CACNA2D4: variants seen among roughly 807,000 people sequenced by gnomAD.
CACNA2D4 encodes the protein voltage-dependent calcium channel subunit alpha-2/delta-4.
In CACNA2D4, 157 loss-of-function variants were observed where a neutral mutation model predicts 163.8. The observed-to-expected ratio is 0.96, with a 90% CI of 0.84 to 1.09. The LOEUF (loss-of-function observed/expected upper bound fraction) is 1.09. Ranked by LOEUF, CACNA2D4 falls within the 50% of genes least tolerant of loss-of-function variation. The pLI, the probability that CACNA2D4 is intolerant of heterozygous loss-of-function variation, is 0.00. For synonymous variants in CACNA2D4, 598 were observed against 586.9 expected (o/e 1.02, Z -0.27); for missense variants, 1,410 against 1,479.9 (o/e 0.95, Z 0.78).
intron 20 of CACNA2D4, among the ~76,000 whole-genome samples, chr12:1,857,309 G>T (rs1369320852): frequency 6.6e-6 from 1 of 152,222 alleles, no homozygotes; most frequent in East Asian, 1.9e-4. Context: ...GCCTGAGAGT[G>T]GGTCAAAGTG....
Position 1,886,385 on chromosome 12 carries a change from A to C in CACNA2D4, c.843-12T>G. 1 of 1,612,234 alleles carries C rather than the reference A, an allele frequency of 6.2e-7. No individual in the cohort carries two copies. The highest frequency in any genetic ancestry group is 8.5e-7 in the Non-Finnish European group (1 of 1,178,844). On this transcript the variant is annotated splice_polypyrimidine_tract_variant and intron_variant, in intron 7 of 37. Coordinates refer to ENST00000382722, the MANE Select transcript of CACNA2D4 (RefSeq NM_172364.5). ...CAGCTTGAATGTACCTGAAGGAAGA[A>C]AGGGACATGCCCAAGATGGGAAAAC...
At position 1,834,129 on chromosome 12, in the gene CACNA2D4, A is replaced by C; in HGVS notation, c.2551+6610T>G. 1 of 988,294 alleles carries C rather than the reference A, an allele frequency of 1.0e-6. No homozygotes were observed. Among genetic ancestry groups the C allele is most frequent in the Non-Finnish European group, 1.4e-6 (1 of 700,162 alleles). The allele number at this position is 988,294 out of a possible 1,614,324, so 61.2% of individuals were successfully genotyped here. Reference sequence around the variant, plus strand: ...TTCCCTCCTCCGCTTCCTCTTCTATAGATGGTGATTCCAGGATTGACTACA... The same window carrying C: ...TTCCCTCCTCCGCTTCCTCTTCTATCGATGGTGATTCCAGGATTGACTACA... On this transcript the variant is annotated intron_variant, in intron 26 of 37. Coordinates refer to ENST00000382722, the MANE Select transcript of CACNA2D4 (RefSeq NM_172364.5). This position sits in a 1 kb window ranked among gnomAD's most constrained non-coding sequence, Gnocchi z 7.6.
chr12:1,814,756 C>T (rs1863821826), intron 26 of CACNA2D4, among the ~76,000 whole-genome samples: 1 of 152,240 alleles, frequency 6.6e-6, no homozygotes, highest in Non-Finnish European at 1.5e-5. Flanking sequence ...TTAATGCAAG[C>T]ACCCCCGAAC....
At chr12:1,837,337 C>T (rs1228676450) in intron 26 of CACNA2D4, among the ~76,000 whole-genome samples, 1 of 152,180 alleles carries the variant, frequency 6.6e-6, no homozygotes, top group Admixed American at 6.5e-5. Flanking sequence ...AGGGCTTACT[C>T]AGGCGACGGC....
chr12:1,800,060 A>T lies in CACNA2D4; in HGVS notation c.2922-8T>A, dbSNP rs776744358. ...CTCCACTCCAGCAGGAACCTGTCAG[A>T]CACAGGACTGAATCTCGGAGACCTC... On this transcript the variant is annotated splice_region_variant and splice_polypyrimidine_tract_variant and intron_variant, in intron 32 of 37. Transcript: ENST00000382722. The T allele has an allele frequency of 5.6e-6, 9 of 1,596,680 alleles. No individual in the cohort carries two copies. Among genetic ancestry groups the T allele is most frequent in the Non-Finnish European group, 7.7e-6 (9 of 1,171,794 alleles).
intron 14 of CACNA2D4, 82 bp downstream of exon 14, chr12:1,879,722 G>C (rs1477716832): frequency 8.4e-7 from 1 of 1,196,112 alleles, no homozygotes; most frequent in African/African-American, 1.5e-5. Flanking sequence ...GCACAGCCAA[G>C]TCAAGAATCA....
intron 26 of CACNA2D4, among the ~76,000 whole-genome samples, chr12:1,825,919 G>A (rs1319481018): frequency 1.3e-5 from 2 of 152,194 alleles, no homozygotes; most frequent in Admixed American, 6.5e-5. Context: ...CTCTTGATAT[G>A]GACATTCTTG....
rs774789475 is a variant in CACNA2D4 at position 1,846,649 on chromosome 12, G to A, written c.2287C>T (p.Arg763Trp). The change falls in exon 24 of 38, where the codon CGG (arginine) becomes TGG (tryptophan). Residue 763 changes from arginine (R) to tryptophan (W), a missense_variant. Arg to Trp is a moderately radical substitution (Grantham distance 101). Coordinates refer to ENST00000382722, the MANE Select transcript of CACNA2D4 (RefSeq NM_172364.5). ...HVVDMAFLGT[R>W]AGLLRSSLFV... is the part of the protein sequence containing the mutation. ...AAGCTGCTTCTCAGGAGGCCAGCCC[G>A]GGTGCCCAGGAAGGCCATGTCCACC... The A allele has an allele frequency of 1.2e-5, 20 of 1,604,028 alleles. 1 individual carries two copies. The South Asian group carries it at 1.3e-4, about 11-fold the overall frequency.
rs992614667 is a variant in CACNA2D4, at chr12:1,869,322, C to T, written c.1878+5282G>A. ...CCGCACAGAATACCAGGCTCTGCCA[C>T]TCTTTGCTGTAACCTACCGTCGTGC... On this transcript the variant is annotated intron_variant, in intron 18 of 37. Coordinates refer to ENST00000382722, the MANE Select transcript of CACNA2D4 (RefSeq NM_172364.5). The surrounding 1 kb of genome is among the most constrained non-coding windows in gnomAD (Gnocchi z 4.7). Among the ~76,000 whole-genome samples, 2 of 152,236 alleles carry T rather than the reference C, an allele frequency of 1.3e-5. No individual in the cohort carries two copies. Among genetic ancestry groups the T allele is most frequent in the African/African-American group, 2.4e-5 (1 of 41,454 alleles).
In CACNA2D4 at chr12:1,829,019, C is replaced by A. The variant is rs1026456572; in HGVS notation, c.2551+11720G>T. Among the ~76,000 whole-genome samples the A allele has an allele frequency of 1.3e-5, 2 of 152,210 alleles. No individual in the cohort carries two copies. The highest frequency in any genetic ancestry group is 4.8e-5 in the African/African-American group (2 of 41,452). ...CTGATCCAGCACCCAACACGGGCAG[C>A]CTGAATTATTCACCATGTGAGAGAG... On this transcript the variant is annotated intron_variant, in intron 26 of 37. Coordinates refer to ENST00000382722, the MANE Select transcript of CACNA2D4 (RefSeq NM_172364.5). The surrounding 1 kb of genome is among the most constrained non-coding windows in gnomAD (Gnocchi z 4.2).
chr12:1,795,286 C>A lies in CACNA2D4; in HGVS notation c.3309+13G>T. The A allele has an allele frequency of 6.2e-7, 1 of 1,612,596 alleles. No individual in the cohort carries two copies. The highest frequency in any genetic ancestry group is 8.5e-7 in the Non-Finnish European group (1 of 1,179,578). ...GAAAATCCAGCCCACCCTCGATCCGCCTCAACCCGCACCTCTGGATGGAAG... is the reference window on the plus strand; with the variant it reads ...GAAAATCCAGCCCACCCTCGATCCGACTCAACCCGCACCTCTGGATGGAAG... On this transcript the variant is annotated intron_variant, in intron 37 of 37. Transcript: ENST00000382722.
At chr12:1,888,947 G>A (rs1340814112) in intron 6 of CACNA2D4, among the ~76,000 whole-genome samples, 2 of 152,086 alleles carry the variant, frequency 1.3e-5, no homozygotes, top group African/African-American at 2.4e-5. Flanking sequence ...GCAGAACTTC[G>A]AAGGCAAATA....
Position 1,798,467 on chromosome 12 carries a change from G to A in CACNA2D4, c.2996-932C>T, listed in dbSNP as rs1863202722. On this transcript the variant is annotated intron_variant, in intron 34 of 37. Coordinates refer to ENST00000382722, the MANE Select transcript of CACNA2D4 (RefSeq NM_172364.5). This position sits in a 1 kb window ranked among gnomAD's most constrained non-coding sequence, Gnocchi z 4.3. ...AGCTGGAAACCCAGAGGGGACACTAGCTGGCGTGCAGAAAACTCTCACCGA... is the reference window on the plus strand; with the variant it reads ...AGCTGGAAACCCAGAGGGGACACTAACTGGCGTGCAGAAAACTCTCACCGA... Among the ~76,000 whole-genome samples, 1 of 152,064 alleles carries A rather than the reference G, an allele frequency of 6.6e-6. No homozygotes were observed. The highest frequency in any genetic ancestry group is 1.5e-5 in the Non-Finnish European group (1 of 67,988).
rs779090415 is a variant in CACNA2D4 at position 1,834,571 on chromosome 12, C to T, written c.2551+6168G>A. 2.5e-6 allele frequency: 4 copies of T among 1,601,530 alleles called. No individual in the cohort carries two copies. Among genetic ancestry groups the T allele is most frequent in the Non-Finnish European group, 2.5e-6 (3 of 1,179,910 alleles). ...TTGCAGGGGTCGTGTGCGGCGTCGT[C>T]TGCATCATGATGGTGGTGGCCGCTG... On this transcript the variant is annotated intron_variant, in intron 26 of 37. Coordinates refer to ENST00000382722, the MANE Select transcript of CACNA2D4 (RefSeq NM_172364.5). The surrounding 1 kb of genome is among the most constrained non-coding windows in gnomAD (Gnocchi z 7.6).
chr12:1,816,342 A>G (rs546011570), intron 26 of CACNA2D4, among the ~76,000 whole-genome samples: 1 of 152,340 alleles, frequency 6.6e-6, no homozygotes, highest in South Asian at 2.1e-4. Context: ...AGCTTCCCTC[A>G]TGCCTGTGCA....
In CACNA2D4 at chr12:1,858,514, A is replaced by G. The variant is rs78821981; in HGVS notation, c.2008+63T>C. ...GCTCTGGTTGGGGTTGGCCCTGCCC[A>G]GTGTCCCATGAGAGCCCATTATTTT... On this transcript the variant is annotated intron_variant, in intron 20 of 37. Transcript: ENST00000382722. 1.7e-3 allele frequency: 2,467 copies of G among 1,473,862 alleles called. 39 individuals carry two copies. In the East Asian group the frequency reaches 0.025, roughly 15 times the overall value. The allele number at this position is 1,473,862 out of a possible 1,614,324, so 91.3% of individuals were successfully genotyped here. A position where few individuals can be genotyped will look rare whatever the true frequency, so the allele number is the denominator to read the frequency against.
chr12:1,909,622 G>A (rs1866764149), intron 4 of CACNA2D4, among the ~76,000 whole-genome samples: 1 of 152,244 alleles, frequency 6.6e-6, no homozygotes, highest in African/African-American at 2.4e-5. Context: ...TTTGGGGGCA[G>A]ACCTCCTCTT....
Position 1,843,472 on chromosome 12 carries a change from C to T in CACNA2D4, c.2470+930G>A, listed in dbSNP as rs1592705276. Among the ~76,000 whole-genome samples the T allele has an allele frequency of 6.6e-6, 1 of 152,220 alleles. No individual in the cohort carries two copies. Among genetic ancestry groups the T allele is most frequent in the East Asian group, 1.9e-4 (1 of 5,194 alleles). On this transcript the variant is annotated intron_variant, in intron 25 of 37. Transcript: ENST00000382722. This position sits in a 1 kb window ranked among gnomAD's most constrained non-coding sequence, Gnocchi z 4.6. Reference sequence around the variant, plus strand: ...CTGCATCCCCTCCTGGGGCTCACCCCACCTGCCTGTGCACACTCTCCAGGC... The same window carrying T: ...CTGCATCCCCTCCTGGGGCTCACCCTACCTGCCTGTGCACACTCTCCAGGC...
At chr12:1,841,281 G>A (rs1420848399) in intron 25 of CACNA2D4, among the ~76,000 whole-genome samples, 1 of 152,184 alleles carries the variant, frequency 6.6e-6, no homozygotes, top group Admixed American at 6.5e-5. Flanking sequence ...TGCCACAGCC[G>A]AGCCACCATG....
Sources: allele counts gnomAD v4.1 joint callset (sites outside exome capture counted in the v4.1 genomes callset), GRCh38; gene constraint gnomAD v4.1.1; non-coding constraint Gnocchi (gnomAD v3.1); transcripts MANE v1.5; gene names NCBI Gene and HGNC (gene_info 2026-07-23, HGNC 2026-07-21).